Variants in ATP8A2 observed in about 807,000 individuals in gnomAD.
ATP8A2 encodes phospholipid-transporting ATPase IB.
In ATP8A2, 100 loss-of-function variants were observed where a neutral mutation model predicts 165.6. That is an observed-to-expected ratio of 0.60 (90% CI 0.51 to 0.71). ATP8A2 has a LOEUF of 0.71. ATP8A2 is among the 30% of genes least tolerant of loss of function. The pLI, the probability that ATP8A2 is intolerant of heterozygous loss-of-function variation, is 0.00. For synonymous variants in ATP8A2, 543 were observed against 548.8 expected (o/e 0.99, Z 0.15); for missense variants, 1,227 against 1,479.5 (o/e 0.83, Z 2.80).
At chr13:25,377,415 C>G (rs2032672564) in intron 1 of ATP8A2, among the ~76,000 whole-genome samples, 1 of 152,202 alleles carries the variant, frequency 6.6e-6, no homozygotes, top group African/African-American at 2.4e-5. Context: ...TACTCCAGGA[C>G]AGGAGAGAGC....
chr13:25,833,149 A>T (rs1214269245), intron 28 of ATP8A2, among the ~76,000 whole-genome samples: 1 of 152,100 alleles, frequency 6.6e-6, no homozygotes, highest in Non-Finnish European at 1.5e-5. Context: ...AATTAAAATT[A>T]TACATTGCAT....
At chr13:25,950,816 C>T (rs1021818536) in intron 33 of ATP8A2, 2 of 152,448 alleles carry the variant, frequency 1.3e-5, no homozygotes, top group African/African-American at 4.8e-5. Context: ...TGCCTCCAGA[C>T]CAGCCTCCTC....
chr13:25,714,123 A>AAAGG (rs71808617), intron 25 of ATP8A2, among the ~76,000 whole-genome samples: 9,929 of 151,418 alleles, frequency 0.066, 638 homozygotes, highest in African/African-American at 0.16. Context: ...TAAAAGAAAG[A>AAAGG]AAGGAAGGAA....
At chr13:25,559,241 G>T (rs927558377) in intron 14 of ATP8A2, among the ~76,000 whole-genome samples, 180 bp downstream of exon 14, 3 of 152,136 alleles carry the variant, frequency 2.0e-5, no homozygotes, top group African/African-American at 4.8e-5. Flanking sequence ...TTAAAACATG[G>T]TTTATTTCTG....
rs868592048 is a variant in ATP8A2 at position 25,903,662 on chromosome 13, T to C, written c.3183+41254T>C. Among the ~76,000 whole-genome samples, 3 of 152,316 alleles carry C rather than the reference T, an allele frequency of 2.0e-5. 1 individual carries two copies. Among genetic ancestry groups the C allele is most frequent in the Middle Eastern group, 3.4e-3 (1 of 294 alleles). On this transcript the variant is annotated intron_variant, in intron 33 of 36. Transcript: ENST00000381655. ...TTATTCAACGTCCCTGGGTAGATTT[T>C]GTCTTTAGGTTCTGAACTTGCTGTT...
At chr13:25,464,251 C>A (rs915187467) in intron 1 of ATP8A2, among the ~76,000 whole-genome samples, 19 of 152,038 alleles carry the variant, frequency 1.2e-4, no homozygotes, top group African/African-American at 1.4e-4. Context: ...CCTCTTTAAC[C>A]CTTTTTGCTT....
intron 33 of ATP8A2, among the ~76,000 whole-genome samples, chr13:25,958,979 T>C (rs17586131): frequency 0.021 from 3,227 of 152,348 alleles, 53 homozygotes; most frequent in Non-Finnish European, 0.033. Flanking sequence ...TGATACATTA[T>C]GTAAAGTCAC....
At chr13:25,628,732 T>C (rs985514034) in intron 24 of ATP8A2, among the ~76,000 whole-genome samples, 4 of 152,180 alleles carry the variant, frequency 2.6e-5, no homozygotes, top group Admixed American at 2.6e-4. Flanking sequence ...TGTATATGAC[T>C]GTGTACACAT....
intron 1 of ATP8A2, among the ~76,000 whole-genome samples, chr13:25,387,316 C>T (rs2033091049): frequency 6.6e-6 from 1 of 152,174 alleles, no homozygotes; most frequent in Non-Finnish European, 1.5e-5. Context: ...ACTTTTCTTT[C>T]TGCGTGTTTG....
At chr13:25,854,933 C>T (rs1486273758) in intron 30 of ATP8A2, among the ~76,000 whole-genome samples, 2 of 152,080 alleles carry the variant, frequency 1.3e-5, no homozygotes, top group Non-Finnish European at 2.9e-5. Flanking sequence ...TTTATCACCC[C>T]CAAAAGAAAC....
At chr13:25,520,255 G>A (rs2037619268) in intron 2 of ATP8A2, among the ~76,000 whole-genome samples, 1 of 152,158 alleles carries the variant, frequency 6.6e-6, no homozygotes, top group Non-Finnish European at 1.5e-5. Context: ...TCACATATGA[G>A]TGAGAACATG....
intron 28 of ATP8A2, 54 bp downstream of exon 28, chr13:25,828,246 C>T: frequency 7.5e-7 from 1 of 1,332,276 alleles, no homozygotes; most frequent in South Asian, 1.2e-5. Context: ...ACTTCAGTGA[C>T]ATTCCTTCAC....
rs149853031 is a variant in ATP8A2 at position 25,939,680 on chromosome 13, G to A, written c.3184-21895G>A. On this transcript the variant is annotated intron_variant, in intron 33 of 36. Transcript: ENST00000381655. Reference sequence around the variant, plus strand: ...TCATTCCCATCCCTTGGCAGGGCTGGCCCTCCACAACCTGGAATCTGTGTC... The same window carrying A: ...TCATTCCCATCCCTTGGCAGGGCTGACCCTCCACAACCTGGAATCTGTGTC... 3.0e-4 allele frequency among the ~76,000 whole-genome samples: 46 copies of A among 152,252 alleles called. 1 individual carries two copies. In the East Asian group the frequency reaches 8.9e-3, roughly 29 times the overall value.
intron 25 of ATP8A2, among the ~76,000 whole-genome samples, chr13:25,722,428 G>A (rs768315001): frequency 3.3e-5 from 5 of 152,188 alleles, no homozygotes; most frequent in Non-Finnish European, 7.3e-5. Context: ...GCATTTTGCT[G>A]GGGTTACAGG....
chr13:25,671,389 A>G (rs2042259286), intron 24 of ATP8A2, among the ~76,000 whole-genome samples: 1 of 152,218 alleles, frequency 6.6e-6, no homozygotes, highest in Non-Finnish European at 1.5e-5. Flanking sequence ...TGTTCAGGGA[A>G]TAAGAGAGAT....
intron 32 of ATP8A2, among the ~76,000 whole-genome samples, chr13:25,861,154 T>C (rs1162813082): frequency 1.3e-5 from 2 of 152,138 alleles, no homozygotes; most frequent in African/African-American, 2.4e-5. Context: ...ATGGAAAATA[T>C]AGAAGGACAA....
At chr13:25,822,314 A>G (rs1951202347) in intron 27 of ATP8A2, among the ~76,000 whole-genome samples, 1 of 152,132 alleles carries the variant, frequency 6.6e-6, no homozygotes, top group African/African-American at 2.4e-5. Context: ...ATATTATGTG[A>G]TTAGAGCTAT....
chr13:25,659,494 G>A (rs1050158571), intron 24 of ATP8A2, among the ~76,000 whole-genome samples: 1 of 152,186 alleles, frequency 6.6e-6, no homozygotes, highest in East Asian at 1.9e-4. Context: ...AAATCCCAGG[G>A]GCTTGCCCTG....
At chr13:25,513,279 G>A (rs1337263111) in intron 2 of ATP8A2, among the ~76,000 whole-genome samples, 3 of 152,120 alleles carry the variant, frequency 2.0e-5, no homozygotes, top group African/African-American at 4.8e-5. Flanking sequence ...CCTCCCAGAC[G>A]GGGTCGCGGC....
Sources: allele counts gnomAD v4.1 joint callset (sites outside exome capture counted in the v4.1 genomes callset), GRCh38; gene constraint gnomAD v4.1.1; transcripts MANE v1.5; gene names NCBI Gene and HGNC (gene_info 2026-07-23, HGNC 2026-07-21).